Variants in CBLB observed in about 807,000 individuals in gnomAD.
The protein encoded by CBLB is Cbl proto-oncogene B.
In CBLB, 31 loss-of-function variants were observed where a neutral mutation model predicts 104.9. The ratio of observed to expected loss-of-function variants is 0.30; its 90% CI spans 0.22 to 0.40. The LOEUF (loss-of-function observed/expected upper bound fraction) is 0.40. Ranked by LOEUF, CBLB falls within the 10% of genes least tolerant of loss-of-function variation. The probability of loss-of-function intolerance (pLI) is 1.00; values close to 1 mark genes in which losing one functional copy is unlikely to be tolerated. For synonymous variants in CBLB, 440 were observed against 422.6 expected, an observed-to-expected ratio of 1.04 and a Z score of -0.51; for missense variants, 1,062 against 1,214.6, an observed-to-expected ratio of 0.87 and a Z score of 1.87.
At chr3:105,757,917 A>G (rs3772521) in intron 4 of CBLB, among the ~76,000 whole-genome samples, 35,216 of 152,098 alleles carry the variant, frequency 0.23, 4,448 homozygotes, top group Non-Finnish European at 0.28. Flanking sequence ...ATTCACCTTG[A>G]TCAACTAAGA....
At chr3:105,837,248 C>A (rs1457954230) in intron 3 of CBLB, among the ~76,000 whole-genome samples, 1 of 152,200 alleles carries the variant, frequency 6.6e-6, no homozygotes, top group African/African-American at 2.4e-5. Context: ...CAACCATCTG[C>A]TGCACAGCAA....
At chr3:105,840,196 TCTTA>T (rs1553852525) in intron 3 of CBLB, among the ~76,000 whole-genome samples, 1 of 152,232 alleles carries the variant, frequency 6.6e-6, no homozygotes, top group Non-Finnish European at 1.5e-5. Context: ...AGGTAATCTT[TCTTA>T]CTTCCTTTTT....
chr3:105,693,528 G>A lies in CBLB; in HGVS notation c.2020C>T (p.Pro674Ser), dbSNP rs573417053. Residue 674 changes from proline to serine, a missense_variant, in exon 13 of 19, where the codon CCT becomes TCT. Coordinates refer to ENST00000394030, the MANE Select transcript of CBLB (RefSeq NM_170662.5). ...GGGAGGAGGGTGGTAACTGGAGGAG[G>A]AGGAGAAAGCCGGGGAGGAACATCA... The part of the protein sequence containing the change: ...EYDVPPRLSP[P>S]PPVTTLLPSI... 3 of 1,612,620 alleles carry A rather than the reference G, an allele frequency of 1.9e-6. No homozygotes were observed. The highest frequency in any genetic ancestry group is 1.7e-5 in the Admixed American group (1 of 59,982).
chr3:105,758,552 G>A (rs957016760), intron 4 of CBLB, among the ~76,000 whole-genome samples: 9 of 152,148 alleles, frequency 5.9e-5, no homozygotes, highest in Admixed American at 2.0e-4. Context: ...TCAACCTGGC[G>A]GGCCACGCTC....
chr3:105,745,829 CGG>C, intron 6 of CBLB, 86 bp downstream of exon 6: 1 of 1,183,542 alleles, frequency 8.4e-7, no homozygotes, highest in Non-Finnish European at 1.3e-6. Context: ...ATGCCATCAG[CGG>C]GTATTGCTGA....
intron 3 of CBLB, among the ~76,000 whole-genome samples, chr3:105,832,888 C>T (rs761566156): frequency 1.8e-4 from 27 of 152,100 alleles, no homozygotes; most frequent in Non-Finnish European, 1.5e-4. Flanking sequence ...AAGAACACAG[C>T]AGAATACCAT....
chr3:105,777,527 C>A (rs144371732), intron 3 of CBLB, among the ~76,000 whole-genome samples: 1 of 152,122 alleles, frequency 6.6e-6, no homozygotes, highest in Non-Finnish European at 1.5e-5. Context: ...ATTAGGGAGG[C>A]TGATGTGATC....
At chr3:105,725,207 C>G (rs1304828622) in intron 9 of CBLB, among the ~76,000 whole-genome samples, 1 of 152,128 alleles carries the variant, frequency 6.6e-6, no homozygotes, top group Non-Finnish European at 1.5e-5. Flanking sequence ...TAAAATGTAT[C>G]TGAATAATTA....
chr3:105,719,966 A>T lies in CBLB; in HGVS notation c.1407+81T>A, dbSNP rs2072525377. The T allele has an allele frequency of 2.8e-6, 3 of 1,057,768 alleles. No individual in the cohort carries two copies. The Admixed American group carries it at 5.4e-5, about 19-fold the overall frequency. The allele number at this position is 1,057,768 out of a possible 1,614,324, so 65.5% of individuals were successfully genotyped here. On this transcript the variant is annotated intron_variant, in intron 10 of 18. Coordinates refer to ENST00000394030, the MANE Select transcript of CBLB (RefSeq NM_170662.5). The stretch of plus-strand genomic sequence containing the variant: ...CTCTTTTCTAAACTCAAATACGCTG[A>T]GTCATACTCCATTTATGACGGCATC...
chr3:105,692,347 A>G (rs1576378216), intron 13 of CBLB, among the ~76,000 whole-genome samples: 1 of 152,228 alleles, frequency 6.6e-6, no homozygotes, highest in East Asian at 1.9e-4. Flanking sequence ...GGAGAGTCAC[A>G]TTAAAATTAG....
Position 105,853,574 on chromosome 3 carries a change from G to C in CBLB, c.259C>G (p.Leu87Val). The C allele has an allele frequency of 6.2e-7, 1 of 1,612,030 alleles. No individual in the cohort carries two copies. The highest frequency in any genetic ancestry group is 8.5e-7 in the Non-Finnish European group (1 of 1,178,380). Reference protein sequence around the residue: ...ILPDTYQHLRLILSKYDDNQK... With the variant: ...ILPDTYQHLRVILSKYDDNQK... The stretch of plus-strand genomic sequence containing the variant: ...TTGTCATCATATTTACTCAATATAA[G>C]TCGTAAATGCTGATATGTATCAGGC... The change falls in exon 3 of 19, where the codon CTT (leucine) becomes GTT (valine). Residue 87 changes from leucine to valine, a missense_variant. Leu to Val is a conservative substitution (Grantham distance 32). Coordinates refer to ENST00000394030, the MANE Select transcript of CBLB (RefSeq NM_170662.5).
At chr3:105,780,483 T>C (rs1021435337) in intron 3 of CBLB, among the ~76,000 whole-genome samples, 2 of 152,132 alleles carry the variant, frequency 1.3e-5, no homozygotes, top group African/African-American at 4.8e-5. Context: ...TCAATAATCT[T>C]ACAAATGTAA....
intron 16 of CBLB, chr3:105,681,263 C>CCAACTACT (rs1445107881): frequency 1.7e-6 from 1 of 594,330 alleles, no homozygotes; most frequent in African/African-American, 1.9e-5. Context: ...TGCTTAAAAC[C>CCAACTACT]TGACTGATGC....
At chr3:105,816,064 G>A (rs886156482) in intron 3 of CBLB, among the ~76,000 whole-genome samples, 1 of 152,102 alleles carries the variant, frequency 6.6e-6, no homozygotes, top group Admixed American at 6.5e-5. Context: ...GAGGTAGGGG[G>A]CAAGGGGAGG....
At chr3:105,810,350 T>C (rs2084105029) in intron 3 of CBLB, among the ~76,000 whole-genome samples, 1 of 152,176 alleles carries the variant, frequency 6.6e-6, no homozygotes, top group Non-Finnish European at 1.5e-5. Context: ...GGTAAAAAAT[T>C]AAAATACCTG....
intron 1 of CBLB, chr3:105,868,129 T>C (rs779848352): frequency 2.3e-5 from 19 of 832,818 alleles, no homozygotes; most frequent in Non-Finnish European, 2.7e-5. Flanking sequence ...GCGCAGGGCA[T>C]GTCCCACACT....
chr3:105,703,267 T>C (rs1335210394), intron 11 of CBLB, among the ~76,000 whole-genome samples: 1 of 152,194 alleles, frequency 6.6e-6, no homozygotes, highest in East Asian at 1.9e-4. Flanking sequence ...TAATGTGTGA[T>C]CTTAAAACCA....
intron 10 of CBLB, among the ~76,000 whole-genome samples, chr3:105,708,931 C>G (rs1034418956): frequency 6.6e-6 from 1 of 151,352 alleles, no homozygotes; most frequent in Non-Finnish European, 1.5e-5. Context: ...ATATTATCTC[C>G]AAATTTCTAG....
At chr3:105,687,833 T>C (rs2067197150) in intron 13 of CBLB, among the ~76,000 whole-genome samples, 1 of 151,690 alleles carries the variant, frequency 6.6e-6, no homozygotes, top group South Asian at 2.1e-4. Context: ...AAAACTGGTT[T>C]CTATCAAAAA....
Sources: allele counts gnomAD v4.1 joint callset (sites outside exome capture counted in the v4.1 genomes callset), GRCh38; gene constraint gnomAD v4.1.1; transcripts MANE v1.5; gene names NCBI Gene and HGNC (gene_info 2026-07-23, HGNC 2026-07-21).